The following AGBL1 variants were observed in gnomAD, a reference collection of about 807,000 sequenced individuals.
AGBL1 encodes cytosolic carboxypeptidase 4.
A neutral mutation model predicts 118.9 loss-of-function variants in AGBL1; 130 were observed. That is an observed-to-expected ratio of 1.09 (90% CI 0.95 to 1.26). The LOEUF (loss-of-function observed/expected upper bound fraction) is 1.26. AGBL1 is among the 50% of genes most tolerant of loss of function. The pLI is 0.00. For missense variants in AGBL1, 1,584 were observed against 1,298.1 expected (o/e 1.22, Z -3.38); for synonymous variants, 555 against 478.9 (o/e 1.16, Z -2.08).
At chr15:86,562,062 G>A (rs868635997) in intron 21 of AGBL1, among the ~76,000 whole-genome samples, 5 of 152,176 alleles carry the variant, frequency 3.3e-5, no homozygotes, top group African/African-American at 7.2e-5. Context: ...GGGCTGAAAC[G>A]ATGGGGTTTT....
rs139766344 is a variant in AGBL1 at position 86,770,518 on chromosome 15, A to G, written c.3158+96082A>G. 1.8e-3 allele frequency among the ~76,000 whole-genome samples: 270 copies of G among 152,124 alleles called. 2 individuals carry two copies. The highest frequency in any genetic ancestry group is 6.2e-3 in the African/African-American group (258 of 41,550). ...AGTAGTGCTAAGATTTAGAAACCCT[A>G]CAATAGGGTAACCAAGCTGAACCAG... On this transcript the variant is annotated intron_variant, in intron 22 of 22. Transcript: ENST00000614907.
At chr15:86,601,355 C>A (rs1444196061) in intron 21 of AGBL1, among the ~76,000 whole-genome samples, 1 of 152,050 alleles carries the variant, frequency 6.6e-6, no homozygotes, top group Non-Finnish European at 1.5e-5. Flanking sequence ...ATTTACCTTT[C>A]CAAGTATGTG....
chr15:86,805,120 T>C (rs1029246375), intron 22 of AGBL1, among the ~76,000 whole-genome samples: 3 of 152,088 alleles, frequency 2.0e-5, no homozygotes, highest in Non-Finnish European at 4.4e-5. Context: ...TGAGCAGAGC[T>C]GTCTCACCCA....
At chr15:86,758,799 C>G (rs1357671890) in intron 22 of AGBL1, among the ~76,000 whole-genome samples, 5 of 151,552 alleles carry the variant, frequency 3.3e-5, no homozygotes, top group Admixed American at 3.3e-4. Flanking sequence ...TGAAAAAACC[C>G]TGTCTCTACA....
intron 18 of AGBL1, among the ~76,000 whole-genome samples, chr15:86,465,363 C>T (rs908622589): frequency 6.6e-6 from 1 of 152,066 alleles, no homozygotes; most frequent in Non-Finnish European, 1.5e-5. Flanking sequence ...GCATTATCTG[C>T]AAAAGTTGTT....
chr15:86,825,887 G>GGATAGATAGATA (rs61494287), intron 22 of AGBL1, among the ~76,000 whole-genome samples: 77 of 144,228 alleles, frequency 5.3e-4, no homozygotes, highest in African/African-American at 1.5e-3. Context: ...ATAGATGGAT[G>GGATAGATAGATA]GATAGATAGA....
At chr15:86,080,772 C>T (rs575189729) in intron 1 of AGBL1, among the ~76,000 whole-genome samples, 4 of 152,078 alleles carry the variant, frequency 2.6e-5, no homozygotes, top group African/African-American at 2.4e-5. Context: ...GAAAACTCCC[C>T]CGGGGTCTCC....
chr15:86,179,207 G>A (rs1441409467), intron 5 of AGBL1, among the ~76,000 whole-genome samples: 1 of 152,220 alleles, frequency 6.6e-6, no homozygotes, highest in Non-Finnish European at 1.5e-5. Context: ...CATTATGAGA[G>A]CACAGAAGAA....
At chr15:86,922,358 T>C (rs1234342077) in intron 23 of AGBL1, among the ~76,000 whole-genome samples, 1 of 152,236 alleles carries the variant, frequency 6.6e-6, no homozygotes. Context: ...TGGCACAATC[T>C]CAGCTCACTG....
intron 18 of AGBL1, among the ~76,000 whole-genome samples, chr15:86,519,409 G>A (rs908289950): frequency 1.3e-5 from 2 of 152,168 alleles, no homozygotes; most frequent in African/African-American, 4.8e-5. Flanking sequence ...TTTCAGAAAT[G>A]CTACAGTAGA....
chr15:86,491,052 T>C (rs933006822), intron 18 of AGBL1, among the ~76,000 whole-genome samples: 2 of 152,138 alleles, frequency 1.3e-5, no homozygotes, highest in East Asian at 1.9e-4. Context: ...TTATTTCTCC[T>C]TAAGTGGCTA....
At chr15:86,488,956 A>G (rs1202414135) in intron 18 of AGBL1, among the ~76,000 whole-genome samples, 1 of 151,984 alleles carries the variant, frequency 6.6e-6, no homozygotes, top group East Asian at 1.9e-4. Flanking sequence ...CTGGCTTTCA[A>G]GACTATCATT....
intron 22 of AGBL1, among the ~76,000 whole-genome samples, chr15:86,785,457 C>T (rs2078397320): frequency 6.7e-6 from 1 of 149,820 alleles, no homozygotes; most frequent in African/African-American, 2.5e-5. Context: ...TCACTGCAAC[C>T]TCCACCTCCC....
chr15:86,788,501 C>T (rs779659948), intron 22 of AGBL1, among the ~76,000 whole-genome samples: 20 of 152,084 alleles, frequency 1.3e-4, no homozygotes, highest in Non-Finnish European at 2.8e-4. Context: ...TTGATTTCTT[C>T]ATTTGTAAAA....
At chr15:86,870,939 T>G (rs370607754) in intron 22 of AGBL1, among the ~76,000 whole-genome samples, 22 of 152,318 alleles carry the variant, frequency 1.4e-4, no homozygotes, top group African/African-American at 5.3e-4. Flanking sequence ...TACAGATTCC[T>G]TAGTCGACTT....
At chr15:86,644,245 G>T (rs2085240526) in intron 21 of AGBL1, among the ~76,000 whole-genome samples, 1 of 151,998 alleles carries the variant, frequency 6.6e-6, no homozygotes, top group South Asian at 2.1e-4. Flanking sequence ...ACAAATAATT[G>T]CTTGATTAAA....
intron 16 of AGBL1, 97 bp from the exon 17 acceptor site, chr15:86,295,158 C>A: frequency 1.4e-6 from 2 of 1,409,938 alleles, no homozygotes; most frequent in Non-Finnish European, 1.9e-6. Flanking sequence ...AGATTAACAA[C>A]AATACTTCTA....
At chr15:86,291,413 A>G (rs1342656701) in intron 16 of AGBL1, among the ~76,000 whole-genome samples, 1 of 152,170 alleles carries the variant, frequency 6.6e-6, no homozygotes, top group African/African-American at 2.4e-5. Context: ...AGACACATAC[A>G]TGTTTAAAAA....
At chr15:86,599,805 A>G (rs183397412) in intron 21 of AGBL1, among the ~76,000 whole-genome samples, 1 of 152,136 alleles carries the variant, frequency 6.6e-6, no homozygotes, top group Non-Finnish European at 1.5e-5. Context: ...GGTAAACACT[A>G]TTTTTTTGCT....
Sources: gnomAD v4.1 joint callset for allele counts (sites outside exome capture counted in the v4.1 genomes callset) on GRCh38, gnomAD v4.1.1 for gene constraint, MANE v1.5 for transcripts, NCBI Gene and HGNC (gene_info 2026-07-23, HGNC 2026-07-21) for gene names.